MAP2K7: variants seen among roughly 807,000 people sequenced by gnomAD.
The protein encoded by MAP2K7 is mitogen-activated protein kinase kinase 7, also known as dual specificity mitogen-activated protein kinase kinase 7.
A neutral mutation model predicts 47.7 loss-of-function variants in MAP2K7; 12 were observed. The observed-to-expected ratio is 0.25, with a 90% confidence interval of 0.16 to 0.41. MAP2K7 has a LOEUF of 0.41. Ranked by LOEUF, MAP2K7 falls within the 10% of genes least tolerant of loss-of-function variation. The pLI, the probability that MAP2K7 is intolerant of heterozygous loss-of-function variation, is 1.00. For synonymous variants in MAP2K7, 299 were observed against 243.0 expected, an observed-to-expected ratio of 1.23 and a Z score of -2.14; for missense variants, 415 against 600.3, an observed-to-expected ratio of 0.69 and a Z score of 3.23.
At position 7,910,560 on chromosome 19, in the gene MAP2K7, G is replaced by A. The variant is rs546215224; in HGVS notation, c.555G>A (p.Thr185=). Residue 185 remains threonine (T), a synonymous_variant, in exon 5 of 11, where the codon ACG becomes ACA. Transcript: ENST00000397979. The stretch of plus-strand genomic sequence containing the variant: ...CCTACATCGTGCAGTGCTTTGGGAC[G>A]TTCATCACCAACGTGAGTACCTGGC... ...DCPYIVQCFG[T]FITNTDVFIA... 2.5e-5 allele frequency: 40 copies of A among 1,613,522 alleles called. No individual in the cohort carries two copies. The highest frequency in any genetic ancestry group is 1.7e-4 in the Admixed American group (10 of 60,008).
intron 1 of MAP2K7, chr19:7,906,117 A>C: frequency 1.9e-6 from 1 of 523,290 alleles, no homozygotes; most frequent in Non-Finnish European, 3.5e-6. Flanking sequence ...CCCCCACTGA[A>C]TGGGAGTCTG....
chr19:7,903,881 C>T lies in MAP2K7; in HGVS notation c.-64C>T, dbSNP rs1452940605. ...GGGTCATCCGGGCGCAGGCGCAGTG[C>T]GGTGTTTGTCTGCCGGACTGACGGG... On this transcript the variant is annotated 5_prime_UTR_variant, in exon 1 of 11. Transcript: ENST00000397979. 7 of 1,272,568 alleles carry T rather than the reference C, an allele frequency of 5.5e-6. No individual in the cohort carries two copies. The highest frequency in any genetic ancestry group is 6.2e-6 in the Non-Finnish European group (6 of 960,192). 78.8% of individuals were successfully genotyped at this position (1,272,568 alleles called of 1,614,324 possible).
chr19:7,912,724 GGGCGGCCCCCAGGGGC>G lies in MAP2K7; in HGVS notation c.*294_*309del, dbSNP rs1982987880. 1 of 469,994 alleles carries G rather than the reference GGGCGGCCCCCAGGGGC, an allele frequency of 2.1e-6. No homozygotes were observed. The highest frequency in any genetic ancestry group is 3.8e-6 in the Non-Finnish European group (1 of 259,934). 29.1% of individuals were successfully genotyped at this position (469,994 alleles called of 1,614,324 possible). On this transcript the variant is annotated 3_prime_UTR_variant, in exon 11 of 11. Coordinates refer to ENST00000397979, the MANE Select transcript of MAP2K7 (RefSeq NM_145185.4). Reference sequence around the variant, plus strand: ...TCATTCAGCCGCAGCCTCTGGGCCGGGGCGGCCCCCAGGGGCCAGGAGAGAGCCCTGGAGTCCCGCA... The same window carrying G: ...TCATTCAGCCGCAGCCTCTGGGCCGGCAGGAGAGAGCCCTGGAGTCCCGCA...
chr19:7,910,708 A>C lies in MAP2K7; in HGVS notation c.580A>C (p.Ile194Leu). 6.2e-7 allele frequency: 1 copy of C among 1,610,128 alleles called. No individual in the cohort carries two copies. Among genetic ancestry groups the C allele is most frequent in the Non-Finnish European group, 8.5e-7 (1 of 1,178,204 alleles). The change falls in exon 6 of 11, where the codon ATC becomes CTC. Residue 194 changes from isoleucine to leucine, a missense_variant. By Grantham distance (5) the Ile-to-Leu change is conservative (BLOSUM62 2). Coordinates refer to ENST00000397979, the MANE Select transcript of MAP2K7 (RefSeq NM_145185.4). ...GTFITNTDVFIAMELMGTCAE... is the reference protein window; with the variant it reads ...GTFITNTDVFLAMELMGTCAE... ...CCTCTCCCTGCAGACGGACGTCTTC[A>C]TCGCCATGGAGCTCATGGGCACCTG... is the stretch of plus-strand genomic sequence containing the variant.
At chr19:7,910,902 C>A in intron 6 of MAP2K7, 78 bp from the exon 7 acceptor site, 2 of 1,582,556 alleles carry the variant, frequency 1.3e-6, no homozygotes, top group Non-Finnish European at 8.6e-7. Flanking sequence ...CGGTGAGTGG[C>A]CAGGTGGGGC....
intron 1 of MAP2K7, among the ~76,000 whole-genome samples, chr19:7,909,351 C>T (rs141347207): frequency 7.9e-5 from 12 of 152,318 alleles, no homozygotes; most frequent in African/African-American, 1.7e-4. Context: ...GCAGGCACTC[C>T]GCCCTGGCCT....
intron 1 of MAP2K7, chr19:7,906,088 C>T (rs975697732): frequency 1.8e-6 from 1 of 564,676 alleles, no homozygotes. Flanking sequence ...TTTGGACTCC[C>T]TGGAGGAGGA....
At chr19:7,910,013 C>A in intron 2 of MAP2K7, 50 bp from the exon 3 acceptor site, 1 of 1,541,338 alleles carries the variant, frequency 6.5e-7, no homozygotes, top group Non-Finnish European at 8.7e-7. Flanking sequence ...CTGGGGTGGC[C>A]AACCTAAGGT....
At chr19:7,904,904 C>G (rs1444903957) in intron 1 of MAP2K7, among the ~76,000 whole-genome samples, 3 of 151,994 alleles carry the variant, frequency 2.0e-5, no homozygotes, top group Non-Finnish European at 4.4e-5. Flanking sequence ...GCCAGTGTGA[C>G]TCTAGGCCTG....
At chr19:7,910,430 C>G (rs2145139615) in intron 4 of MAP2K7, 23 bp from the exon 5 acceptor site, 1 of 1,602,898 alleles carries the variant, frequency 6.2e-7, no homozygotes, top group Non-Finnish European at 8.5e-7. Flanking sequence ...TGCTGAGGCT[C>G]CCTCCTGTCC....
At chr19:7,904,807 G>C (rs1010369394) in intron 1 of MAP2K7, among the ~76,000 whole-genome samples, 3 of 152,030 alleles carry the variant, frequency 2.0e-5, no homozygotes, top group Non-Finnish European at 4.4e-5. Context: ...TCGACCCCCA[G>C]CCAGCCCGGT....
chr19:7,910,203 G>A, intron 3 of MAP2K7, 57 bp from the exon 4 acceptor site: 1 of 1,602,338 alleles, frequency 6.2e-7, no homozygotes, highest in South Asian at 1.1e-5. Context: ...CGCCAGTGGG[G>A]GGCAGGGGGC....
rs1156815343 is a variant in MAP2K7 at position 7,911,031 on chromosome 19, G to A, written c.727G>A (p.Asp243Asn). 2 of 1,612,764 alleles carry A rather than the reference G, an allele frequency of 1.2e-6. No homozygotes were observed. Among genetic ancestry groups the A allele is most frequent in the Non-Finnish European group, 1.7e-6 (2 of 1,179,872 alleles). The change falls in exon 7 of 11, where the codon GAC (aspartate) becomes AAC (asparagine). Residue 243 changes from aspartate to asparagine, a missense_variant. By Grantham distance (23) the Asp-to-Asn change is conservative. Coordinates refer to ENST00000397979, the MANE Select transcript of MAP2K7 (RefSeq NM_145185.4). ...LKEKHGVIHR[D>N]VKPSNILLDE... Reference sequence around the variant, plus strand: ...GGAGAAGCACGGTGTCATCCACCGCGACGTCAAGCCCTCCAACATCCTGCT... The same window carrying A: ...GGAGAAGCACGGTGTCATCCACCGCAACGTCAAGCCCTCCAACATCCTGCT...
intron 1 of MAP2K7, chr19:7,904,366 C>T (rs1335433909): frequency 3.3e-5 from 8 of 241,762 alleles, no homozygotes; most frequent in South Asian, 1.5e-4. Context: ...TTCCCCGACT[C>T]CACGCGACAG....
intron 1 of MAP2K7, chr19:7,904,451 G>T (rs1274442138): frequency 5.3e-6 from 2 of 380,482 alleles, no homozygotes; most frequent in Non-Finnish European, 1.1e-5. Flanking sequence ...GTCATCTCAG[G>T]GACTGTCTGG....
Position 7,904,413 on chromosome 19 carries a change from TC to T in MAP2K7, c.124+348del, listed in dbSNP as rs374998068. ...AGGTCGCCCCGAAAACACAGACACG[TC>T]CCTGTTGACCTGATGCTACCACTCT... On this transcript the variant is annotated intron_variant, in intron 1 of 10. Coordinates refer to ENST00000397979, the MANE Select transcript of MAP2K7 (RefSeq NM_145185.4). 8 of 348,138 alleles carry T rather than the reference TC, an allele frequency of 2.3e-5. 1 individual carries two copies. Among genetic ancestry groups the T allele is most frequent in the African/African-American group, 1.8e-4 (8 of 44,624 alleles). The allele number at this position is 348,138 out of a possible 1,614,324, so 21.6% of individuals were successfully genotyped here.
intron 9 of MAP2K7, 80 bp downstream of exon 9, chr19:7,911,658 T>C: frequency 2.9e-6 from 4 of 1,389,446 alleles, no homozygotes; most frequent in Non-Finnish European, 3.9e-6. Context: ...AGGAGGGGAA[T>C]GGAGGCCGCA....
intron 7 of MAP2K7, 30 bp from the exon 8 acceptor site, chr19:7,911,220 G>A (rs761687857): frequency 3.7e-6 from 6 of 1,609,474 alleles, no homozygotes; most frequent in Non-Finnish European, 5.1e-6. Context: ...CCCAGCCTTG[G>A]AGATACGTCT....
At position 7,911,196 on chromosome 19, in the gene MAP2K7, GC is replaced by G. The variant is rs1331568670; in HGVS notation, c.855+38del. 2.5e-6 allele frequency: 4 copies of G among 1,607,548 alleles called. No individual in the cohort carries two copies. The African/African-American group carries it at 5.4e-5, about 22-fold the overall frequency. ...CCCCCCAGCGGGGGAGGGGGTGGGG[GC>G]TGGGAGGCCGGCCCCAGCCTTGGAG... On this transcript the variant is annotated intron_variant, in intron 7 of 10. Coordinates refer to ENST00000397979, the MANE Select transcript of MAP2K7 (RefSeq NM_145185.4).
Sources: gnomAD v4.1 joint callset for allele counts (sites outside exome capture counted in the v4.1 genomes callset) on GRCh38, gnomAD v4.1.1 for gene constraint, MANE v1.5 for transcripts, NCBI Gene and HGNC (gene_info 2026-07-23, HGNC 2026-07-21) for gene names.